TRPS1: variants seen among roughly 807,000 people sequenced by gnomAD.
TRPS1 encodes transcriptional repressor GATA binding 1, also known as zinc finger transcription factor Trps1.
TRPS1 carries 6 observed loss-of-function variants against 101.2 expected under a neutral mutation model. The ratio of observed to expected loss-of-function variants is 0.06; its 90% CI spans 0.03 to 0.12. The LOEUF is 0.12. Among genes scored for constraint, TRPS1 ranks in the 10% least tolerant of loss-of-function variants. The probability of loss-of-function intolerance (pLI) is 1.00; values close to 1 mark genes in which losing one functional copy is unlikely to be tolerated. For synonymous variants in TRPS1, 578 were observed against 589.8 expected, an observed-to-expected ratio of 0.98 and a Z score of 0.29; for missense variants, 1,363 against 1,567.0, an observed-to-expected ratio of 0.87 and a Z score of 2.20.
At chr8:115,518,572 T>C (rs2130216452) in intron 5 of TRPS1, among the ~76,000 whole-genome samples, 1 of 151,920 alleles carries the variant, frequency 6.6e-6, no homozygotes, top group South Asian at 2.1e-4. Context: ...TAAAGGTATA[T>C]CCAAAATTAT....
At chr8:115,459,903 G>A (rs1274440874) in intron 5 of TRPS1, among the ~76,000 whole-genome samples, 1 of 152,046 alleles carries the variant, frequency 6.6e-6, no homozygotes, top group Non-Finnish European at 1.5e-5. Context: ...CAAAAGGTTG[G>A]CCCAACACAT....
intron 5 of TRPS1, among the ~76,000 whole-genome samples, chr8:115,528,532 G>C (rs1207825477): frequency 1.3e-5 from 2 of 151,904 alleles, no homozygotes; most frequent in Non-Finnish European, 2.9e-5. Flanking sequence ...AAACACACCT[G>C]ATCTCTAATT....
intron 4 of TRPS1, among the ~76,000 whole-genome samples, 160 bp from the exon 5 acceptor site, chr8:115,587,764 A>G (rs1817599602): frequency 6.6e-6 from 1 of 152,252 alleles, no homozygotes; most frequent in South Asian, 2.1e-4. Flanking sequence ...TGTAATTAAC[A>G]GGCATTTTCA....
intron 1 of TRPS1, among the ~76,000 whole-genome samples, chr8:115,640,199 TTCC>T (rs1818863676): frequency 6.6e-6 from 1 of 152,204 alleles, no homozygotes; most frequent in Non-Finnish European, 1.5e-5. Flanking sequence ...TTTGCAGAAA[TTCC>T]TCGTGATGGA....
Position 115,498,415 on chromosome 8 carries a change from C to CTATATATA in TRPS1, c.2701-79971_2701-79964dup, listed in dbSNP as rs67505193. Among the ~76,000 whole-genome samples, 35 of 39,310 alleles carry CTATATATA rather than the reference C, an allele frequency of 8.9e-4. 1 individual carries two copies. Among genetic ancestry groups the CTATATATA allele is most frequent in the Non-Finnish European group, 9.7e-4 (22 of 22,726 alleles). The allele number at this position is 39,310 out of a possible 152,430, so 25.8% of individuals were successfully genotyped here. A position where few individuals can be genotyped will look rare whatever the true frequency, so the allele number is the denominator to read the frequency against. On this transcript the variant is annotated intron_variant, in intron 5 of 6. Coordinates refer to ENST00000395715, the MANE Select transcript of TRPS1 (RefSeq NM_014112.5). ...TCTCTCTCTCTCTCTCTCTCTCTCT[C>CTATATATA]TATATATATATATATATATATATAT...
At position 115,408,875 on chromosome 8, in the gene TRPS1, G is replaced by C. The variant is rs563369741; in HGVS notation, c.*5148C>G. 1 of 152,254 alleles carries C rather than the reference G, an allele frequency of 6.6e-6. No homozygotes were observed. Among genetic ancestry groups the C allele is most frequent in the South Asian group, 2.1e-4 (1 of 4,820 alleles). 9.4% of individuals were successfully genotyped at this position (152,254 alleles called of 1,614,324 possible). A position where few individuals can be genotyped will look rare whatever the true frequency, so the allele number is the denominator to read the frequency against. On this transcript the variant is annotated 3_prime_UTR_variant, in exon 7 of 7. Transcript: ENST00000395715. ...GTGGTTGTCAAATAGTCCGCCCTAA[G>C]GAATTTGGCGTTTATTATTGTGATA...
At chr8:115,453,496 C>T (rs1466330428) in intron 5 of TRPS1, among the ~76,000 whole-genome samples, 1 of 152,154 alleles carries the variant, frequency 6.6e-6, no homozygotes, top group Non-Finnish European at 1.5e-5. Context: ...TGTGTGTTTG[C>T]ATATGTATGT....
chr8:115,578,926 G>C (rs1817381827), intron 5 of TRPS1, among the ~76,000 whole-genome samples: 3 of 152,184 alleles, frequency 2.0e-5, no homozygotes, highest in Non-Finnish European at 2.9e-5. Flanking sequence ...AGTCACCCAA[G>C]TATTTATTAG....
Position 115,418,585 on chromosome 8 carries a change from C to T in TRPS1, c.2701-133G>A, listed in dbSNP as rs1812978833. 1 of 1,238,424 alleles carries T rather than the reference C, an allele frequency of 8.1e-7. No homozygotes were observed. Among genetic ancestry groups the T allele is most frequent in the South Asian group, 1.2e-5 (1 of 80,532 alleles). 76.7% of individuals were successfully genotyped at this position (1,238,424 alleles called of 1,614,324 possible). Reference sequence around the variant, plus strand: ...AAAACCACACTGCCCATAATGAGGTCAGGTTCAATTGTGTTTAATAGGCAC... The same window carrying T: ...AAAACCACACTGCCCATAATGAGGTTAGGTTCAATTGTGTTTAATAGGCAC... On this transcript the variant is annotated intron_variant, in intron 5 of 6. Coordinates refer to ENST00000395715, the MANE Select transcript of TRPS1 (RefSeq NM_014112.5). This position sits in a 1 kb window ranked among gnomAD's most constrained non-coding sequence, Gnocchi z 4.3.
chr8:115,544,857 A>G (rs781179991), intron 5 of TRPS1, among the ~76,000 whole-genome samples: 49 of 149,810 alleles, frequency 3.3e-4, no homozygotes, highest in Admixed American at 3.4e-4. Context: ...CAGGAGAAGG[A>G]GGAGAAGAAG....
At position 115,619,540 on chromosome 8, in the gene TRPS1, A is replaced by G; in HGVS notation, c.558T>C (p.Asn186=). 1 of 1,614,148 alleles carries G rather than the reference A, an allele frequency of 6.2e-7. No individual in the cohort carries two copies. The highest frequency in any genetic ancestry group is 2.2e-5 in the East Asian group (1 of 44,866). The change falls in exon 3 of 7, where the codon AAT becomes AAC. Residue 186 remains asparagine (N), a synonymous_variant. Coordinates refer to ENST00000395715, the MANE Select transcript of TRPS1 (RefSeq NM_014112.5). ...CTGAAACTGGGCTCAAACCTTGACA[A>G]TTGGCTTGACCACTCTGTGCTTGCC... ...ETGQAQSGQA[N]CQGLSPVSVA...
chr8:115,447,498 T>C (rs1000342854), intron 5 of TRPS1, among the ~76,000 whole-genome samples: 2 of 152,228 alleles, frequency 1.3e-5, no homozygotes, highest in South Asian at 2.1e-4. Flanking sequence ...GATATAAAAG[T>C]TATAATAGAC....
chr8:115,414,569 T>C lies in TRPS1; in HGVS notation c.3339A>G (p.Val1113=). 6.2e-7 allele frequency: 1 copy of C among 1,613,986 alleles called. No homozygotes were observed. The highest frequency in any genetic ancestry group is 8.5e-7 in the Non-Finnish European group (1 of 1,179,950). The change falls in exon 7 of 7, where the codon GTA becomes GTG. Residue 1113 remains valine, a synonymous_variant. Transcript: ENST00000395715. The surrounding 1 kb of genome is among the most constrained non-coding windows in gnomAD (Gnocchi z 4.8). ...CAGCTTCACTCTGGAAGTCATTATG[T>C]ACAAAGGGAAGTCCAAAAAGTGGGT... ...YQYPLFGLPF[V]HNDFQSEADW... is the part of the protein sequence containing the mutation.
chr8:115,459,402 A>C (rs1483766812), intron 5 of TRPS1, among the ~76,000 whole-genome samples: 1 of 152,116 alleles, frequency 6.6e-6, no homozygotes. Context: ...CTTGCAGTGC[A>C]CTATCTTACA....
chr8:115,431,811 C>T (rs1813325431), intron 5 of TRPS1, among the ~76,000 whole-genome samples: 1 of 151,882 alleles, frequency 6.6e-6, no homozygotes, highest in East Asian at 1.9e-4. Context: ...TGGGTTTATA[C>T]AGACCCAGAC....
At chr8:115,563,801 T>C (rs1415170954) in intron 5 of TRPS1, among the ~76,000 whole-genome samples, 1 of 152,066 alleles carries the variant, frequency 6.6e-6, no homozygotes, top group East Asian at 1.9e-4. Flanking sequence ...CATGCAATGA[T>C]AATGGGTACT....
At chr8:115,489,971 C>T (rs1013258868) in intron 5 of TRPS1, among the ~76,000 whole-genome samples, 2 of 151,930 alleles carry the variant, frequency 1.3e-5, no homozygotes, top group African/African-American at 2.4e-5. Context: ...AGTTACTGAT[C>T]CTCAATGTCT....
Position 115,565,561 on chromosome 8 carries a change from G to A in TRPS1, c.2700+21440C>T, listed in dbSNP as rs974196115. The stretch of plus-strand genomic sequence containing the variant: ...TGATTTTATTTTCCATTTGATAAGC[G>A]TGTGCTTTCATACATACATTAGTGA... On this transcript the variant is annotated intron_variant, in intron 5 of 6. Transcript: ENST00000395715. Among the ~76,000 whole-genome samples, 4 of 150,592 alleles carry A rather than the reference G, an allele frequency of 2.7e-5. No individual in the cohort carries two copies. In the East Asian group the frequency reaches 5.8e-4, roughly 22 times the overall value.
chr8:115,518,122 T>G (rs1815767496), intron 5 of TRPS1, among the ~76,000 whole-genome samples: 1 of 72,350 alleles, frequency 1.4e-5, no homozygotes, highest in Non-Finnish European at 3.0e-5. Context: ...ACAGGCTCAA[T>G]GCACAGAGCC....
Sources: gnomAD v4.1 joint callset for allele counts (sites outside exome capture counted in the v4.1 genomes callset) on GRCh38, gnomAD v4.1.1 for gene constraint, Gnocchi (gnomAD v3.1) non-coding constraint, MANE v1.5 for transcripts, NCBI Gene and HGNC (gene_info 2026-07-23, HGNC 2026-07-21) for gene names.